KCNAB2: variants seen among roughly 807,000 people sequenced by gnomAD.
The protein encoded by KCNAB2 is voltage-gated potassium channel subunit beta-2.
A neutral mutation model predicts 63.6 loss-of-function variants in KCNAB2; 29 were observed. The ratio of observed to expected loss-of-function variants is 0.46; its 90% confidence interval spans 0.34 to 0.62. KCNAB2 has a LOEUF of 0.62. Among genes scored for constraint, KCNAB2 ranks in the 20% least tolerant of loss-of-function variants. The pLI is 0.01. For synonymous variants in KCNAB2, 222 were observed against 224.2 expected (o/e 0.99, Z 0.09); for missense variants, 359 against 563.9 (o/e 0.64, Z 3.68).
At chr1:5,996,562 C>A (rs1368725788) in intron 1 of KCNAB2, among the ~76,000 whole-genome samples, 2 of 152,282 alleles carry the variant, frequency 1.3e-5, no homozygotes, top group Admixed American at 1.3e-4. Flanking sequence ...CCCATGCCCA[C>A]CCTGCCGGCT....
intron 1 of KCNAB2, among the ~76,000 whole-genome samples, chr1:6,008,305 G>A (rs1414236245): frequency 1.3e-5 from 2 of 151,976 alleles, no homozygotes; most frequent in Admixed American, 6.5e-5. Flanking sequence ...GGCTTCCCTC[G>A]TTCCTCTGTT....
chr1:6,099,546 A>G lies in KCNAB2; in HGVS notation c.*972A>G. On this transcript the variant is annotated 3_prime_UTR_variant, in exon 16 of 16. Transcript: ENST00000378083. Reference sequence around the variant, plus strand: ...GCAGCAGGGGCCGGCCCTGTGCACAAGGATGCACTCCTCTCGGCCCCTGTA... The same window carrying G: ...GCAGCAGGGGCCGGCCCTGTGCACAGGGATGCACTCCTCTCGGCCCCTGTA... 1 of 446,356 alleles carries G rather than the reference A, an allele frequency of 2.2e-6. No individual in the cohort carries two copies. Among genetic ancestry groups the G allele is most frequent in the Admixed American group, 4.0e-5 (1 of 25,104 alleles). The allele number at this position is 446,356 out of a possible 1,614,324, so 27.6% of individuals were successfully genotyped here.
At chr1:6,021,869 G>C (rs1450932424) in intron 1 of KCNAB2, among the ~76,000 whole-genome samples, 2 of 120,134 alleles carry the variant, frequency 1.7e-5, no homozygotes, top group South Asian at 5.4e-4. Flanking sequence ...TTGAGGGTAT[G>C]GTTCAGTGGT....
intron 1 of KCNAB2, among the ~76,000 whole-genome samples, chr1:6,038,835 G>A (rs1660262728): frequency 2.0e-5 from 3 of 152,244 alleles, no homozygotes; most frequent in South Asian, 2.1e-4. Context: ...TAAGTGTCAG[G>A]TTTCCCAACA....
intron 1 of KCNAB2, among the ~76,000 whole-genome samples, chr1:5,998,171 C>T (rs1243674013): frequency 6.6e-6 from 1 of 152,258 alleles, no homozygotes; most frequent in Admixed American, 6.5e-5. Flanking sequence ...GCCAGAGGCC[C>T]AGTGCGGTCA....
At chr1:6,034,075 A>G (rs1295096), upstream of KCNAB2, among the ~76,000 whole-genome samples, 147,947 of 152,298 alleles carry the variant, frequency 0.97, 71,899 homozygotes, top group East Asian at 1. Flanking sequence ...CAGGGATCCC[A>G]GGGCCACCCA....
rs1473154854 is a variant in KCNAB2, at chr1:6,095,458, G to A, written c.853+15G>A. 6.2e-7 allele frequency: 1 copy of A among 1,612,448 alleles called. No homozygotes were observed. Among genetic ancestry groups the A allele is most frequent in the East Asian group, 2.2e-5 (1 of 44,846 alleles). ...CCACAAGATAGGTGGGCACCCTCGG[G>A]CCCCTCGCCCCGCCCCACCCCACCC... On this transcript the variant is annotated intron_variant, in intron 12 of 15. Transcript: ENST00000378083.
At chr1:6,060,273 T>G (rs1662200691) in intron 2 of KCNAB2, among the ~76,000 whole-genome samples, 1 of 152,216 alleles carries the variant, frequency 6.6e-6, no homozygotes, top group South Asian at 2.1e-4. Context: ...GACTTGGCCT[T>G]GAACACGGGT....
At chr1:6,043,893 G>A (rs1392465386), upstream of KCNAB2, among the ~76,000 whole-genome samples, 1 of 152,200 alleles carries the variant, frequency 6.6e-6, no homozygotes, top group Non-Finnish European at 1.5e-5. Flanking sequence ...CCTTGCTCCC[G>A]TGTCTGCGGG....
chr1:6,008,003 G>T (rs1657927238), intron 1 of KCNAB2, among the ~76,000 whole-genome samples: 1 of 152,184 alleles, frequency 6.6e-6, no homozygotes, highest in African/African-American at 2.4e-5. Context: ...GCTGCCTGGA[G>T]CTGTCTGGTT....
chr1:6,020,730 G>A (rs931808848), intron 1 of KCNAB2, among the ~76,000 whole-genome samples: 4 of 152,156 alleles, frequency 2.6e-5, no homozygotes, highest in Admixed American at 6.5e-5. Context: ...GCAATAGTGC[G>A]ATCTCGGCTC....
chr1:6,005,899 A>G (rs1557923242), intron 1 of KCNAB2, among the ~76,000 whole-genome samples: 2 of 140,822 alleles, frequency 1.4e-5, no homozygotes, highest in East Asian at 2.2e-4. Flanking sequence ...TTCCACCCTC[A>G]CCCCTCAGCT....
intron 1 of KCNAB2, among the ~76,000 whole-genome samples, chr1:6,021,606 G>GGTTCAGTGGTATTGAGTATACA (rs1444545868): frequency 1.4e-5 from 2 of 142,064 alleles, no homozygotes; most frequent in Non-Finnish European, 1.6e-5. Context: ...TTGAGGGTAT[G>GGTTCAGTGGTATTGAGTATACA]GTTCAGTGGT....
intron 1 of KCNAB2, among the ~76,000 whole-genome samples, chr1:6,001,059 G>T (rs1245827235): frequency 6.6e-6 from 1 of 152,180 alleles, no homozygotes; most frequent in South Asian, 2.1e-4. Flanking sequence ...CGCAGAGACA[G>T]CATGGGGTGT....
At chr1:6,033,444 TGTGTGTGCCTGTGCATATGTAG>T (rs1373370007), upstream of KCNAB2, among the ~76,000 whole-genome samples, 2 of 151,968 alleles carry the variant, frequency 1.3e-5, no homozygotes, top group African/African-American at 4.8e-5. Flanking sequence ...GTGGTGTGCG[TGTGTGTGCCTGTGCATATGTAG>T]GTGTGTGCCT....
In KCNAB2 at chr1:6,074,744, G is replaced by A. The variant is rs1410640208; in HGVS notation, c.300+974G>A. 6.6e-6 allele frequency among the ~76,000 whole-genome samples: 1 copy of A among 152,146 alleles called. No homozygotes were observed. Among genetic ancestry groups the A allele is most frequent in the Admixed American group, 6.5e-5 (1 of 15,280 alleles). On this transcript the variant is annotated intron_variant, in intron 4 of 15. Coordinates refer to ENST00000378083, the MANE Select transcript of KCNAB2 (RefSeq NM_001199862.2). This position sits in a 1 kb window ranked among gnomAD's most constrained non-coding sequence, Gnocchi z 4.9. ...GAAGGCTGGGGCGGGCGGATCACCT[G>A]AGGTCAGGAGTTCCAGCCTGGCCAA...
chr1:6,045,852 C>G, upstream of KCNAB2: 3 of 973,348 alleles, frequency 3.1e-6, no homozygotes, highest in South Asian at 9.5e-5. The surrounding 1 kb of genome is among the most constrained non-coding windows in gnomAD (Gnocchi z 4.8). Flanking sequence ...GGACCTCCCC[C>G]TCACCTTGGG....
chr1:6,095,726 A>G, intron 13 of KCNAB2, 102 bp downstream of exon 13: 1 of 1,092,186 alleles, frequency 9.2e-7, no homozygotes, highest in Non-Finnish European at 1.4e-6. Context: ...GGGTTCCGGG[A>G]GCTGCAGCTG....
At chr1:6,000,065 A>G (rs1306727519) in intron 1 of KCNAB2, among the ~76,000 whole-genome samples, 5 of 147,466 alleles carry the variant, frequency 3.4e-5, no homozygotes, top group Non-Finnish European at 7.5e-5. Context: ...TGCCCCGTCC[A>G]CACCCTGCCT....
Sources: allele counts gnomAD v4.1 joint callset (sites outside exome capture counted in the v4.1 genomes callset), GRCh38; gene constraint gnomAD v4.1.1; non-coding constraint Gnocchi (gnomAD v3.1); transcripts MANE v1.5; gene names NCBI Gene and HGNC (gene_info 2026-07-23, HGNC 2026-07-21).